ZSCAN10: variants seen among roughly 807,000 people sequenced by gnomAD.
ZSCAN10 encodes the protein zinc finger and SCAN domain-containing protein 10.
ZSCAN10 carries 52 observed loss-of-function variants against 63.7 expected under a neutral mutation model. That is an observed-to-expected ratio of 0.82 (90% CI 0.65 to 1.03). The LOEUF (loss-of-function observed/expected upper bound fraction) is 1.03, where lower values mean the gene tolerates loss of function less well. Ranked by LOEUF, ZSCAN10 falls within the 50% of genes least tolerant of loss-of-function variation. ZSCAN10 has a pLI of 0.00. For synonymous variants in ZSCAN10, 544 were observed against 479.6 expected (o/e 1.13, Z -1.76); for missense variants, 1,223 against 1,103.8 (o/e 1.11, Z -1.53).
chr16:3,092,421 A>C, intron 2 of ZSCAN10, 105 bp from the exon 3 acceptor site: 1 of 1,503,606 alleles, frequency 6.7e-7, no homozygotes, highest in Non-Finnish European at 8.9e-7. Flanking sequence ...CCAGGGGAGG[A>C]GTTAGGAGGT....
chr16:3,090,889 A>AC (rs1957065056), intron 5 of ZSCAN10, among the ~76,000 whole-genome samples: 1 of 139,732 alleles, frequency 7.2e-6, no homozygotes, highest in African/African-American at 2.7e-5. Context: ...CCCCGTCTCT[A>AC]CAAAAAAAAA....
Position 3,089,469 on chromosome 16 carries a change from G to T in ZSCAN10, c.1965C>A (p.Ile655=). The T allele has an allele frequency of 6.2e-7, 1 of 1,605,238 alleles. No homozygotes were observed. The highest frequency in any genetic ancestry group is 8.5e-7 in the Non-Finnish European group (1 of 1,177,704). Residue 655 remains isoleucine, a synonymous_variant, in exon 6 of 6, where the codon ATC becomes ATA. Coordinates refer to ENST00000576985, the MANE Select transcript of ZSCAN10 (RefSeq NM_032805.3). ...AGGCGTGGGGCTTCTCCCCTGTGTG[G>T]ATGCGCTGGTGGCGCGCCAGGTGGG... ...QSAHLARHQR[I]HTGEKPHACD... is the part of the protein sequence containing the mutation.
chr16:3,089,868 G>T lies in ZSCAN10; in HGVS notation c.1566C>A (p.Phe522Leu). ...AGGCCTTGCCGCAGTCGCTGCACAC[G>T]AAGGGCCTCCGGTCGGAGTCCCGGC... ...SRRRDSDRRP[F>L]VCSDCGKAFR... Residue 522 changes from phenylalanine to leucine, a missense_variant, in exon 6 of 6, where the codon TTC (phenylalanine) becomes TTA (leucine). By Grantham distance (22) the Phe-to-Leu change is conservative (BLOSUM62 0). Coordinates refer to ENST00000576985, the MANE Select transcript of ZSCAN10 (RefSeq NM_032805.3). 4.5e-6 allele frequency: 7 copies of T among 1,539,684 alleles called. No homozygotes were observed. Among genetic ancestry groups the T allele is most frequent in the Non-Finnish European group, 6.1e-6 (7 of 1,147,962 alleles).
chr16:3,095,697 G>A (rs1479178561), intron 1 of ZSCAN10, among the ~76,000 whole-genome samples: 6 of 151,420 alleles, frequency 4.0e-5, no homozygotes, highest in African/African-American at 9.7e-5. Flanking sequence ...GCGCAGTGGC[G>A]GGTGCCTGTG....
At chr16:3,091,910 A>G (rs1366840501) in intron 3 of ZSCAN10, 82 bp from the exon 4 acceptor site, 1 of 1,597,470 alleles carries the variant, frequency 6.3e-7, no homozygotes, top group Non-Finnish European at 8.5e-7. Flanking sequence ...CACACACCGC[A>G]TCATCCGGGC....
In ZSCAN10 at chr16:3,089,761, C is replaced by T; in HGVS notation, c.1673G>A (p.Ser558Asn). 1 of 1,599,042 alleles carries T rather than the reference C, an allele frequency of 6.3e-7. No homozygotes were observed. ...RPFSCQACGRSFTQSSQLVSH... is the reference protein window; with the variant it reads ...RPFSCQACGRNFTQSSQLVSH... ...GACCAGCTGCGAGCTCTGCGTGAAG[C>T]TGCGGCCGCAAGCCTGGCAGGAGAA... Residue 558 changes from serine (S) to asparagine (N), a missense_variant, in exon 6 of 6, where the codon AGC (serine) becomes AAC (asparagine). Ser to Asn is a conservative substitution (Grantham distance 46). Transcript: ENST00000576985.
Position 3,089,716 on chromosome 16 carries a change from G to T in ZSCAN10, c.1718C>A (p.Thr573Lys). Residue 573 changes from threonine to lysine, a missense_variant, in exon 6 of 6, where the codon ACG (threonine) becomes AAG (lysine). Transcript: ENST00000576985. ...SQLVSHQRVH[T>K]GEKPYACPQC... ...CGGACAGGCGTAGGGCTTCTCGCCC[G>T]TGTGCACCCGTTGGTGGCTGACCAG... is the stretch of plus-strand genomic sequence containing the variant. 1 of 1,604,216 alleles carries T rather than the reference G, an allele frequency of 6.2e-7. No homozygotes were observed. The highest frequency in any genetic ancestry group is 1.1e-5 in the South Asian group (1 of 90,736).
Position 3,090,103 on chromosome 16 carries a change from C to A in ZSCAN10, c.1331G>T (p.Arg444Leu). ...CAGCAGGTGCTGCACAAGGCTGGCG[C>A]GGCGCTGGAAGCCGCGGCCGCACTC... is the stretch of plus-strand genomic sequence containing the variant. ...CAECGRGFQR[R>L]ASLVQHLLAH... Residue 444 changes from arginine (R) to leucine (L), a missense_variant, in exon 6 of 6, where the codon CGC (arginine) becomes CTC (leucine). Transcript: ENST00000576985. The A allele has an allele frequency of 6.2e-7, 1 of 1,602,478 alleles. No individual in the cohort carries two copies. The highest frequency in any genetic ancestry group is 8.5e-7 in the Non-Finnish European group (1 of 1,177,970).
rs369017934 is a variant in ZSCAN10 at position 3,089,792 on chromosome 16, G to A, written c.1642C>T (p.Arg548Trp). The A allele has an allele frequency of 1.1e-5, 18 of 1,588,448 alleles. No individual in the cohort carries two copies. The African/African-American group carries it at 2.3e-4, about 20-fold the overall frequency. Residue 548 changes from arginine to tryptophan, a missense_variant, in exon 6 of 6, where the codon CGG becomes TGG. Transcript: ENST00000576985. Reference protein sequence around the residue: ...VAHRRVHTGERPFSCQACGRS... With the variant: ...VAHRRVHTGEWPFSCQACGRS... ...CCGCAAGCCTGGCAGGAGAAGGGCC[G>A]CTCGCCCGTGTGCACCCTCCGGTGG...
intron 2 of ZSCAN10, 103 bp downstream of exon 2, chr16:3,092,439 G>A: frequency 1.3e-6 from 2 of 1,484,876 alleles, no homozygotes; most frequent in Non-Finnish European, 1.8e-6. Context: ...GGTGAAGAAG[G>A]AATGGTCAGG....
intron 1 of ZSCAN10, among the ~76,000 whole-genome samples, 187 bp downstream of exon 1, chr16:3,099,003 C>T (rs1041896144): frequency 6.6e-6 from 1 of 152,226 alleles, no homozygotes; most frequent in African/African-American, 2.4e-5. Context: ...TCCCCAACGC[C>T]CCCATCGCGA....
In ZSCAN10 at chr16:3,092,050, G is replaced by A; in HGVS notation, c.663C>T (p.Ser221=). Residue 221 remains serine, a splice_region_variant and synonymous_variant, in exon 3 of 6, where the codon AGC becomes AGT. Transcript: ENST00000576985. ...CCTCCTAGGGCACAAGCTCCTCACT[G>A]CTTTCTTGCAGGGCCTGGAATGTCT... ...PQKTFQALQE[S]SPQGPSPWPE... The A allele has an allele frequency of 6.4e-7, 1 of 1,557,772 alleles. No homozygotes were observed. Among genetic ancestry groups the A allele is most frequent in the Non-Finnish European group, 8.7e-7 (1 of 1,151,538 alleles).
At position 3,089,176 on chromosome 16, in the gene ZSCAN10, G is replaced by A; in HGVS notation, c.2258C>T (p.Ser753Phe). The change falls in exon 6 of 6, where the codon TCC becomes TTC. Residue 753 changes from serine to phenylalanine, a missense_variant. Ser to Phe is a radical substitution (Grantham distance 155). Transcript: ENST00000576985. ...GAAGCTGCGGCCACACTGCGTGCAG[G>A]AGTAGGGCCTGGCGCCCGTGTGCAC... The part of the protein sequence containing the change: ...LLVHTGARPY[S>F]CTQCGRSFSR... 6.4e-7 allele frequency: 1 copy of A among 1,572,892 alleles called. No homozygotes were observed. Among genetic ancestry groups the A allele is most frequent in the Non-Finnish European group, 8.6e-7 (1 of 1,167,732 alleles).
In ZSCAN10 at chr16:3,094,920, G is replaced by A. The variant is rs540223916; in HGVS notation, c.-67-1916C>T. Among the ~76,000 whole-genome samples, 10 of 150,816 alleles carry A rather than the reference G, an allele frequency of 6.6e-5. No individual in the cohort carries two copies. In the South Asian group the frequency reaches 2.1e-3, roughly 32 times the overall value. Reference sequence around the variant, plus strand: ...ATGGTGGGGATACTAGATGATAACAGTATGACTACCCATTTCTGAGATGAA... The same window carrying A: ...ATGGTGGGGATACTAGATGATAACAATATGACTACCCATTTCTGAGATGAA... On this transcript the variant is annotated intron_variant, in intron 1 of 5. Coordinates refer to ENST00000576985, the MANE Select transcript of ZSCAN10 (RefSeq NM_032805.3).
chr16:3,093,263 C>G (rs990769606), intron 1 of ZSCAN10: 2 of 199,582 alleles, frequency 1.0e-5, no homozygotes, highest in Non-Finnish European at 2.0e-5. Flanking sequence ...CACAGTGGCT[C>G]ACACCTGTAA....
In ZSCAN10 at chr16:3,092,074, C is replaced by G; in HGVS notation, c.639G>C (p.Lys213Asn). Residue 213 changes from lysine (K) to asparagine (N), a missense_variant, in exon 3 of 6, where the codon AAG becomes AAC. Coordinates refer to ENST00000576985, the MANE Select transcript of ZSCAN10 (RefSeq NM_032805.3). ...TGCTTTCTTGCAGGGCCTGGAATGT[C>G]TTCTGGGGCCCCGGGCTCAGCGGCT... The part of the protein sequence containing the change: ...SKQPLSPGPQ[K>N]TFQALQESSP... 1 of 1,580,724 alleles carries G rather than the reference C, an allele frequency of 6.3e-7. No individual in the cohort carries two copies. Among genetic ancestry groups the G allele is most frequent in the East Asian group, 2.2e-5 (1 of 44,578 alleles).
rs768054116 is a variant in ZSCAN10, at chr16:3,092,320, T to C, written c.397-4A>G. ...TGCCAGCATTACAACTAAAATCCTGTTCAAAACACATTCAAGTTAAGTGAC... is the reference window on the plus strand; with the variant it reads ...TGCCAGCATTACAACTAAAATCCTGCTCAAAACACATTCAAGTTAAGTGAC... On this transcript the variant is annotated splice_polypyrimidine_tract_variant and splice_region_variant and intron_variant, in intron 2 of 5. Coordinates refer to ENST00000576985, the MANE Select transcript of ZSCAN10 (RefSeq NM_032805.3). The C allele has an allele frequency of 1.3e-6, 2 of 1,592,628 alleles. No individual in the cohort carries two copies. The highest frequency in any genetic ancestry group is 1.7e-6 in the Non-Finnish European group (2 of 1,168,338).
intron 5 of ZSCAN10, 79 bp from the exon 6 acceptor site, chr16:3,090,725 A>C: frequency 6.3e-6 from 9 of 1,436,164 alleles, no homozygotes; most frequent in Non-Finnish European, 8.2e-6. Flanking sequence ...ATTGGCCTGG[A>C]AGTGGAAAGA....
intron 1 of ZSCAN10, among the ~76,000 whole-genome samples, chr16:3,098,042 C>CAAAAAAAAAAAAA (rs371407228): frequency 4.5e-5 from 2 of 44,398 alleles, no homozygotes; most frequent in African/African-American, 7.5e-5. Context: ...GACCCTGTCT[C>CAAAAAAAAAAAAA]AAAAAAAAAA....
Sources: gnomAD v4.1 joint callset for allele counts (sites outside exome capture counted in the v4.1 genomes callset) on GRCh38, gnomAD v4.1.1 for gene constraint, MANE v1.5 for transcripts, NCBI Gene and HGNC (gene_info 2026-07-23, HGNC 2026-07-21) for gene names.